RASSF3: variants seen among roughly 807,000 people sequenced by gnomAD.
The protein encoded by RASSF3 is ras association domain-containing protein 3.
RASSF3 carries 19 observed loss-of-function variants against 19.9 expected under a neutral mutation model. The observed-to-expected ratio is 0.96, with a 90% CI of 0.67 to 1.40. The LOEUF (loss-of-function observed/expected upper bound fraction) is 1.40, where lower values mean the gene tolerates loss of function less well. Among genes scored for constraint, RASSF3 ranks in the 40% most tolerant of loss-of-function variants. The pLI is 0.00. For synonymous variants in RASSF3, 110 were observed against 104.2 expected, an observed-to-expected ratio of 1.06 and a Z score of -0.34; for missense variants, 306 against 289.8, an observed-to-expected ratio of 1.06 and a Z score of -0.41.
At chr12:64,658,806 C>T (rs918798413) in intron 1 of RASSF3, among the ~76,000 whole-genome samples, 4 of 151,962 alleles carry the variant, frequency 2.6e-5, no homozygotes, top group East Asian at 1.9e-4. Context: ...TGATGGCTCA[C>T]GCCTGTAATC....
At chr12:64,663,840 C>CT (rs34450092) in intron 1 of RASSF3, among the ~76,000 whole-genome samples, 3,841 of 72,220 alleles carry the variant, frequency 0.053, 265 homozygotes, top group African/African-American at 0.15. Flanking sequence ...TTAGCCTTGC[C>CT]TTTTTTTTTT....
chr12:64,644,867 A>G (rs1871676668), intron 1 of RASSF3, among the ~76,000 whole-genome samples: 1 of 152,160 alleles, frequency 6.6e-6, no homozygotes, highest in Non-Finnish European at 1.5e-5. Flanking sequence ...GAGAAGCCCT[A>G]ACACATTTTT....
At chr12:64,601,230 A>G (rs1870086117) in intron 2 of RASSF3, among the ~76,000 whole-genome samples, 1 of 152,184 alleles carries the variant, frequency 6.6e-6, no homozygotes, top group South Asian at 2.1e-4. Flanking sequence ...TTGAAGCTAT[A>G]GTGAGCCATG....
chr12:64,649,242 G>C (rs890941854), intron 1 of RASSF3, among the ~76,000 whole-genome samples: 3 of 151,594 alleles, frequency 2.0e-5, no homozygotes, highest in Non-Finnish European at 4.4e-5. Flanking sequence ...GCCCAGGCTG[G>C]AGTGCAGTGG....
At chr12:64,541,793 C>T, downstream of RASSF3, 1 of 396,968 alleles carries the variant, frequency 2.5e-6, no homozygotes, top group Non-Finnish European at 4.4e-6. Context: ...ATCTCCATGG[C>T]TTACGTATGT....
At chr12:64,618,607 G>A (rs892756273) in intron 1 of RASSF3, among the ~76,000 whole-genome samples, 3 of 152,086 alleles carry the variant, frequency 2.0e-5, no homozygotes, top group Non-Finnish European at 4.4e-5. Flanking sequence ...GATTACAGGC[G>A]TGAGCCACCA....
chr12:64,507,387 A>G, intron 1 of RASSF3: 1 of 397,986 alleles, frequency 2.5e-6, no homozygotes, highest in Non-Finnish European at 4.4e-6. Flanking sequence ...TGTGTGTGTT[A>G]CATTTTAAAA....
intron 2 of RASSF3, among the ~76,000 whole-genome samples, chr12:64,572,686 G>T (rs1051178494): frequency 6.6e-6 from 1 of 152,096 alleles, no homozygotes; most frequent in Non-Finnish European, 1.5e-5. Context: ...ATAAATGTAC[G>T]AACGAAGCTT....
At chr12:64,679,988 A>G (rs930157832) in intron 1 of RASSF3, among the ~76,000 whole-genome samples, 1 of 152,136 alleles carries the variant, frequency 6.6e-6, no homozygotes, top group Admixed American at 6.5e-5. Context: ...TTGGTATTGT[A>G]TCTATTCCAC....
intron 1 of RASSF3, among the ~76,000 whole-genome samples, chr12:64,678,277 A>T (rs1872980558): frequency 6.6e-6 from 1 of 152,270 alleles, no homozygotes; most frequent in African/African-American, 2.4e-5. Flanking sequence ...TGGGTATTGC[A>T]GTCTGTTGGT....
chr12:64,535,092 AAGG>A (rs1394218078), intron 1 of RASSF3, among the ~76,000 whole-genome samples: 3 of 152,008 alleles, frequency 2.0e-5, no homozygotes, highest in East Asian at 1.9e-4. Context: ...TGAAAAAAAA[AAGG>A]AAAGTACCTT....
At chr12:64,527,035 T>C (rs1355708206) in intron 1 of RASSF3, among the ~76,000 whole-genome samples, 1 of 152,232 alleles carries the variant, frequency 6.6e-6, no homozygotes, top group Non-Finnish European at 1.5e-5. Context: ...AATTCATCTG[T>C]CCATGGACAG....
chr12:64,632,663 G>T (rs983830669), intron 1 of RASSF3, among the ~76,000 whole-genome samples: 1 of 152,056 alleles, frequency 6.6e-6, no homozygotes, highest in Admixed American at 6.6e-5. Context: ...TGGGGAGCAC[G>T]GGAGGAAGAG....
intron 2 of RASSF3, among the ~76,000 whole-genome samples, chr12:64,580,137 G>C (rs1368722716): frequency 6.6e-6 from 1 of 151,942 alleles, no homozygotes; most frequent in African/African-American, 2.4e-5. Flanking sequence ...TGATTCTTCT[G>C]ATCTGTGCCC....
rs924656426 is a variant in RASSF3 at position 64,507,023 on chromosome 12, G to A, written c.-138G>A. 3 of 395,862 alleles carry A rather than the reference G, an allele frequency of 7.6e-6. No homozygotes were observed. In the East Asian group the frequency reaches 1.1e-4, roughly 14 times the overall value. 24.5% of individuals were successfully genotyped at this position (395,862 alleles called of 1,614,324 possible). On this transcript the variant is annotated 5_prime_UTR_variant, in exon 1 of 6. Coordinates refer to the RASSF3 transcript ENST00000637125. The stretch of plus-strand genomic sequence containing the variant: ...CTATTAATACAGTTTCTAGTTATGA[G>A]GGCCAAGGTCTAAAGGACAAGCCAA...
In RASSF3 at chr12:64,658,572, C is replaced by T. The variant is rs192347759; in HGVS notation, c.112-26215C>T. Among the ~76,000 whole-genome samples the T allele has an allele frequency of 2.7e-3, 411 of 152,236 alleles. 2 individuals are homozygous for T. The highest frequency in any genetic ancestry group is 9.6e-3 in the African/African-American group (398 of 41,536). On this transcript the variant is annotated intron_variant, in intron 1 of 4. Transcript: ENST00000542104. ...ACCCCAGCACTTTGGAAGGCTGAGG[C>T]GGGCGGATCGCTTGAGGCTGAGAGT...
chr12:64,563,055 C>T (rs764118364), intron 2 of RASSF3, among the ~76,000 whole-genome samples: 6 of 152,222 alleles, frequency 3.9e-5, no homozygotes, highest in African/African-American at 4.8e-5. Flanking sequence ...TCAAAGCCAC[C>T]ATCATCTCAC....
At chr12:64,621,706 C>T (rs183627952) in intron 1 of RASSF3, among the ~76,000 whole-genome samples, 17 of 152,186 alleles carry the variant, frequency 1.1e-4, no homozygotes, top group Admixed American at 3.3e-4. Flanking sequence ...TCCTGATCTC[C>T]GGTAATCTAC....
Position 64,610,658 on chromosome 12 carries a change from A to C in RASSF3, c.26A>C (p.Glu9Ala), listed in dbSNP as rs748266790. 1 of 1,587,968 alleles carries C rather than the reference A, an allele frequency of 6.3e-7. No individual in the cohort carries two copies. The highest frequency in any genetic ancestry group is 1.1e-5 in the South Asian group (1 of 88,738). The change falls in exon 1 of 5, where the codon GAG (glutamate) becomes GCG (alanine). Residue 9 changes from glutamate (E) to alanine (A), a missense_variant. By Grantham distance (107) the Glu-to-Ala change is moderately radical. Transcript: ENST00000542104. Reference sequence around the variant, plus strand: ...ATGAGCAGCGGCTACAGCAGCCTGGAGGAGGACGCCGAGGACTTCTTCTTC... The same window carrying C: ...ATGAGCAGCGGCTACAGCAGCCTGGCGGAGGACGCCGAGGACTTCTTCTTC... MSSGYSSL[E>A]EDAEDFFFTA...
Sources: allele counts gnomAD v4.1 joint callset (sites outside exome capture counted in the v4.1 genomes callset), GRCh38; gene constraint gnomAD v4.1.1; transcripts MANE v1.5; gene names NCBI Gene and HGNC (gene_info 2026-07-23, HGNC 2026-07-21).